The following TIPIN variants were observed in gnomAD, a reference collection of about 807,000 sequenced individuals.
The protein encoded by TIPIN is TIMELESS-interacting protein.
Under a neutral mutation model 35.6 loss-of-function variants are expected in TIPIN, and 29 were observed. The ratio of observed to expected loss-of-function variants is 0.82; its 90% CI spans 0.61 to 1.11. The LOEUF (loss-of-function observed/expected upper bound fraction) is 1.11, where lower values mean the gene tolerates loss of function less well. Among genes scored for constraint, TIPIN ranks in the 50% most tolerant of loss-of-function variants. The pLI is 0.00. For missense variants in TIPIN, 296 were observed against 345.4 expected, an observed-to-expected ratio of 0.86 and a Z score of 1.13; for synonymous variants, 102 against 121.5, an observed-to-expected ratio of 0.84 and a Z score of 1.06.
chr15:66,364,524 AG>A (rs1758930803), intron 1 of TIPIN, among the ~76,000 whole-genome samples: 2 of 152,132 alleles, frequency 1.3e-5, no homozygotes, highest in African/African-American at 4.8e-5. Flanking sequence ...GACCCTCTAA[AG>A]TTCCACTAAA....
intron 6 of TIPIN, among the ~76,000 whole-genome samples, chr15:66,342,186 C>CAAAAAAAAAAAAAAAAAAAAAAAAA (rs55711983): frequency 6.5e-5 from 7 of 108,508 alleles, no homozygotes; most frequent in African/African-American, 2.3e-4. Context: ...AAGACTGTCT[C>CAAAAAAAAAAAAAAAAAAAAAAAAA]AAAAAAAAAA....
chr15:66,384,446 C>G lies in TIPIN; in HGVS notation c.-9+2161G>C, dbSNP rs528739185. Among the ~76,000 whole-genome samples, 165 of 152,092 alleles carry G rather than the reference C, an allele frequency of 1.1e-3. 1 individual carries two copies. The highest frequency in any genetic ancestry group is 2.5e-3 in the Admixed American group (38 of 15,268). On this transcript the variant is annotated intron_variant, in intron 1 of 7. Coordinates refer to the TIPIN transcript ENST00000562124. ...AGTAGCTGGGATTACAGGTGCCCAC[C>G]ACCATGCCTGGCTAATTTTTGTAAT...
At chr15:66,361,970 C>A (rs1448244915) in intron 1 of TIPIN, among the ~76,000 whole-genome samples, 1 of 146,772 alleles carries the variant, frequency 6.8e-6, no homozygotes, top group Non-Finnish European at 1.5e-5. Flanking sequence ...CAGAGCCAGA[C>A]CCCGTCTCAA....
intron 1 of TIPIN, among the ~76,000 whole-genome samples, chr15:66,384,065 C>T (rs1310071547): frequency 1.1e-4 from 17 of 152,024 alleles, no homozygotes; most frequent in African/African-American, 2.4e-4. Context: ...GGCGCGATCT[C>T]GGCTCACTGC....
intron 1 of TIPIN, chr15:66,379,623 T>C: frequency 6.2e-7 from 1 of 1,609,468 alleles, no homozygotes; most frequent in Non-Finnish European, 8.5e-7. Flanking sequence ...GATGGGGAAG[T>C]AAGCATACAC....
At chr15:66,379,986 TTTTCTTTC>T (rs1474954298) in intron 1 of TIPIN, 12 of 376,088 alleles carry the variant, frequency 3.2e-5, no homozygotes, top group Admixed American at 4.7e-5. Context: ...CCTTCATTTC[TTTTCTTTC>T]TTTCTTTCTT....
At chr15:66,373,492 CAA>C (rs543674595) in intron 1 of TIPIN, among the ~76,000 whole-genome samples, 13 of 74,822 alleles carry the variant, frequency 1.7e-4, no homozygotes, top group Admixed American at 3.2e-4. Context: ...GACTCCGTCT[CAA>C]AAAAAAAAAA....
Position 66,349,370 on chromosome 15 carries a change from T to C in TIPIN, c.356A>G (p.Gln119Arg). 1.2e-6 allele frequency: 2 copies of C among 1,614,130 alleles called. No individual in the cohort carries two copies. Among genetic ancestry groups the C allele is most frequent in the Non-Finnish European group, 8.5e-7 (1 of 1,180,026 alleles). ...AACTCTGTCAATAAAATCCTCAAAC[T>C]GCAGTTTAGGGAATAGCCTATGTGC... ...HWAHRLFPKL[Q>R]FEDFIDRVEY... The change falls in exon 5 of 8, where the codon CAG becomes CGG. Residue 119 changes from glutamine to arginine, a missense_variant. Gln to Arg is a conservative substitution (Grantham distance 43). Coordinates refer to ENST00000261881, the MANE Select transcript of TIPIN (RefSeq NM_017858.3).
intron 1 of TIPIN, among the ~76,000 whole-genome samples, chr15:66,365,707 C>A (rs1467648772): frequency 1.3e-5 from 2 of 152,040 alleles, no homozygotes; most frequent in African/African-American, 4.8e-5. Flanking sequence ...GCACCATGCC[C>A]GGCTAATTTT....
At chr15:66,371,443 A>G in intron 1 of TIPIN, 1 of 924,750 alleles carries the variant, frequency 1.1e-6, no homozygotes, top group Non-Finnish European at 1.3e-6. Context: ...TATTTGGGTC[A>G]GTCTGCTTTA....
intron 1 of TIPIN, chr15:66,379,344 T>A: frequency 1.9e-6 from 3 of 1,594,260 alleles, no homozygotes; most frequent in Admixed American, 1.7e-5. Context: ...ATCTTATTCA[T>A]CATCCTGCTG....
Position 66,365,585 on chromosome 15 carries a change from C to T in TIPIN, c.-8-12630G>A, listed in dbSNP as rs150447437. ...CTGTTGAGACGGAGTTTAGCTCTGT[C>T]GCCCAGGTTGGAGTGCAGTGGCACG... On this transcript the variant is annotated intron_variant, in intron 1 of 7. Transcript: ENST00000562124. 2.1e-3 allele frequency among the ~76,000 whole-genome samples: 324 copies of T among 152,246 alleles called. 1 individual carries two copies. The highest frequency in any genetic ancestry group is 7.3e-3 in the African/African-American group (304 of 41,562).
chr15:66,345,204 A>C (rs1199126025), intron 6 of TIPIN, among the ~76,000 whole-genome samples: 5 of 152,028 alleles, frequency 3.3e-5, no homozygotes, highest in Non-Finnish European at 7.4e-5. Flanking sequence ...TGCGGACTTG[A>C]GGGGTACAAG....
At chr15:66,374,355 T>A (rs2093288326) in intron 1 of TIPIN, among the ~76,000 whole-genome samples, 1 of 151,380 alleles carries the variant, frequency 6.6e-6, no homozygotes, top group African/African-American at 2.5e-5. Flanking sequence ...ATTTATCGAC[T>A]ATTTGGATAT....
At chr15:66,349,183 A>G (rs949487718) in intron 5 of TIPIN, 60 bp from the exon 6 acceptor site, 2 of 1,597,434 alleles carry the variant, frequency 1.3e-6, no homozygotes, top group Non-Finnish European at 1.7e-6. Context: ...GGGGGGAGAT[A>G]ATTTGCTATT....
intron 1 of TIPIN, among the ~76,000 whole-genome samples, chr15:66,373,290 G>A (rs1365136534): frequency 6.6e-6 from 1 of 152,098 alleles, no homozygotes; most frequent in African/African-American, 2.4e-5. Flanking sequence ...TCAGGAGATT[G>A]AGACCATCCT....
At chr15:66,383,427 T>TA (rs2093325163) in intron 1 of TIPIN, 2 of 193,544 alleles carry the variant, frequency 1.0e-5, no homozygotes, top group Admixed American at 1.3e-4. Context: ...CACATTCAGA[T>TA]AATTTTTGTA....
intron 7 of TIPIN, among the ~76,000 whole-genome samples, chr15:66,337,791 ATAATT>A (rs1011427843): frequency 7.3e-6 from 1 of 136,212 alleles, no homozygotes; most frequent in African/African-American, 2.6e-5. Context: ...AAAAAAAAAA[ATAATT>A]AGCTGGCTAT....
rs1036575475 is a variant in TIPIN at position 66,379,886 on chromosome 15, G to A, written c.-9+6721C>T. 7.6e-6 allele frequency: 12 copies of A among 1,571,408 alleles called. No individual in the cohort carries two copies. The African/African-American group carries it at 9.4e-5, about 12-fold the overall frequency. On this transcript the variant is annotated intron_variant, in intron 1 of 7. Coordinates refer to the TIPIN transcript ENST00000562124. ...TAATGTTGACATTTTCTGGAATGTC[G>A]ACAGTCTGATTAATGAGAATGGTCT...
Sources: allele counts gnomAD v4.1 joint callset (sites outside exome capture counted in the v4.1 genomes callset), GRCh38; gene constraint gnomAD v4.1.1; transcripts MANE v1.5; gene names NCBI Gene and HGNC (gene_info 2026-07-23, HGNC 2026-07-21).